MTHFS: variants seen among roughly 807,000 people sequenced by gnomAD.
The protein encoded by MTHFS is 5-formyltetrahydrofolate cyclo-ligase.
MTHFS carries 7 observed loss-of-function variants against 12.7 expected under a neutral mutation model. That is an observed-to-expected ratio of 0.55 (90% confidence interval 0.31 to 1.03). MTHFS has a LOEUF of 1.03. Ranked by LOEUF, MTHFS falls within the 50% of genes least tolerant of loss-of-function variation. The pLI is 0.05. For synonymous variants in MTHFS, 100 were observed against 97.1 expected, an observed-to-expected ratio of 1.03 and a Z score of -0.18; for missense variants, 252 against 258.1, an observed-to-expected ratio of 0.98 and a Z score of 0.16.
intron 2 of MTHFS, among the ~76,000 whole-genome samples, chr15:79,863,547 T>A (rs1434374330): frequency 3.3e-5 from 5 of 152,162 alleles, no homozygotes; most frequent in Non-Finnish European, 7.4e-5. Context: ...TCTCTCTTTC[T>A]CCTTAGTAGC....
At chr15:79,891,498 A>G (rs1038576912) in intron 1 of MTHFS, among the ~76,000 whole-genome samples, 2 of 152,238 alleles carry the variant, frequency 1.3e-5, no homozygotes, top group Non-Finnish European at 2.9e-5. Context: ...GAATTATGAA[A>G]TAATCAATGG....
intron 1 of MTHFS, among the ~76,000 whole-genome samples, chr15:79,894,634 C>T (rs1284820552): frequency 3.9e-5 from 6 of 152,144 alleles, no homozygotes; most frequent in Admixed American, 6.5e-5. Flanking sequence ...AGAAAGACAA[C>T]GTAGAAGATT....
Position 79,896,752 on chromosome 15 carries a change from G to C in MTHFS, c.117+120C>G. ...CCGGGAGGGGAAACGTGCGCGCGCC[G>C]GGGGGTGGGGGGGCGCCTAGCCCAG... On this transcript the variant is annotated intron_variant, in intron 1 of 2. Coordinates refer to ENST00000258874, the MANE Select transcript of MTHFS (RefSeq NM_006441.4). The C allele has an allele frequency of 2.3e-6, 3 of 1,279,592 alleles. No individual in the cohort carries two copies. The South Asian group carries it at 4.4e-5, about 19-fold the overall frequency. The allele number at this position is 1,279,592 out of a possible 1,614,324, so 79.3% of individuals were successfully genotyped here. A position where few individuals can be genotyped will look rare whatever the true frequency, so the allele number is the denominator to read the frequency against.
chr15:79,858,990 G>A (rs184116429), intron 2 of MTHFS, among the ~76,000 whole-genome samples: 21 of 152,204 alleles, frequency 1.4e-4, no homozygotes, highest in Admixed American at 1.0e-3. Context: ...AAACTGATCC[G>A]GAATACACTT....
intron 2 of MTHFS, among the ~76,000 whole-genome samples, chr15:79,886,929 T>C (rs1380416158): frequency 1.3e-5 from 2 of 152,202 alleles, no homozygotes; most frequent in African/African-American, 4.8e-5. Flanking sequence ...AGCTCCTATG[T>C]GACAAATGAC....
In MTHFS at chr15:79,844,901, G is replaced by A. The variant is rs2033581812; in HGVS notation, c.*309C>T. ...TTTACCTTCCTCTCGCACTCAGTCG[G>A]AGCACAGTTCCTCATAAATATTTAA... is the stretch of plus-strand genomic sequence containing the variant. On this transcript the variant is annotated 3_prime_UTR_variant, in exon 3 of 3. Transcript: ENST00000258874. The A allele has an allele frequency of 8.3e-6, 3 of 363,054 alleles. No homozygotes were observed. The highest frequency in any genetic ancestry group is 9.0e-5 in the Admixed American group (2 of 22,132). The allele number at this position is 363,054 out of a possible 1,614,324, so 22.5% of individuals were successfully genotyped here.
intron 2 of MTHFS, among the ~76,000 whole-genome samples, chr15:79,865,833 G>A (rs1023308193): frequency 6.6e-6 from 1 of 152,114 alleles, no homozygotes; most frequent in Non-Finnish European, 1.5e-5. Context: ...TACAATAATC[G>A]CTTATTCCCT....
chr15:79,883,999 A>C (rs1685822490), intron 2 of MTHFS, among the ~76,000 whole-genome samples: 1 of 152,212 alleles, frequency 6.6e-6, no homozygotes, highest in South Asian at 2.1e-4. Flanking sequence ...CAAAAACAAC[A>C]GCAGCCACAG....
intron 2 of MTHFS, chr15:79,876,728 A>C (rs1316313925): frequency 6.6e-6 from 1 of 152,074 alleles, no homozygotes; most frequent in Non-Finnish European, 1.5e-5. Context: ...ACTTTCAATA[A>C]GTATCAAACT....
Position 79,844,740 on chromosome 15 carries a change from A to C in MTHFS, c.*470T>G, listed in dbSNP as rs1034358138. On this transcript the variant is annotated 3_prime_UTR_variant, in exon 3 of 3. Transcript: ENST00000258874. ...GGGTAAAGGAAGTCATGATGAAGTGAGATAATATTCTTAGGGAATTCTGTA... is the reference window on the plus strand; with the variant it reads ...GGGTAAAGGAAGTCATGATGAAGTGCGATAATATTCTTAGGGAATTCTGTA... 6.6e-6 allele frequency among the ~76,000 whole-genome samples: 1 copy of C among 152,204 alleles called. No homozygotes were observed. Among genetic ancestry groups the C allele is most frequent in the East Asian group, 1.9e-4 (1 of 5,190 alleles).
At chr15:79,888,279 G>T (rs1354073588) in intron 2 of MTHFS, among the ~76,000 whole-genome samples, 1 of 152,092 alleles carries the variant, frequency 6.6e-6, no homozygotes, top group East Asian at 1.9e-4. Context: ...TATGAAGTGG[G>T]GAGTAGAAAG....
intron 2 of MTHFS, among the ~76,000 whole-genome samples, chr15:79,857,217 C>T (rs750157049): frequency 3.3e-5 from 5 of 152,006 alleles, no homozygotes; most frequent in Admixed American, 2.6e-4. Context: ...AGGCTGGTCT[C>T]GAACTCCTGA....
intron 1 of MTHFS, among the ~76,000 whole-genome samples, chr15:79,893,763 T>C (rs912771840): frequency 3.5e-5 from 5 of 142,206 alleles, no homozygotes; most frequent in Admixed American, 6.9e-5. Flanking sequence ...AATATAACAA[T>C]ATAAATGTCA....
At chr15:79,866,518 G>C (rs2034013528) in intron 2 of MTHFS, among the ~76,000 whole-genome samples, 1 of 152,156 alleles carries the variant, frequency 6.6e-6, no homozygotes, top group East Asian at 1.9e-4. Flanking sequence ...AATACAGTAG[G>C]ATGACAGCCA....
chr15:79,889,514 T>C (rs768592773), intron 1 of MTHFS, among the ~76,000 whole-genome samples, 160 bp from the exon 2 acceptor site: 1 of 152,102 alleles, frequency 6.6e-6, no homozygotes, highest in African/African-American at 2.4e-5. Context: ...CAGACAGTGT[T>C]GCATCATGAA....
chr15:79,881,461 G>C (rs1477451433), intron 2 of MTHFS, among the ~76,000 whole-genome samples: 4 of 152,104 alleles, frequency 2.6e-5, no homozygotes, highest in Non-Finnish European at 1.5e-5. Context: ...AGACAATTCT[G>C]GAACAGGTCC....
At chr15:79,878,518 C>T (rs1205362444) in intron 2 of MTHFS, among the ~76,000 whole-genome samples, 2 of 148,006 alleles carry the variant, frequency 1.4e-5, no homozygotes, top group African/African-American at 2.5e-5. Flanking sequence ...TCTAGTTTGC[C>T]GTAGTGCCTA....
chr15:79,885,040 A>C (rs949585466), intron 2 of MTHFS, among the ~76,000 whole-genome samples: 1 of 152,244 alleles, frequency 6.6e-6, no homozygotes, highest in Non-Finnish European at 1.5e-5. Flanking sequence ...ACTCCATCAA[A>C]TATGCCTTGA....
chr15:79,869,341 T>A (rs1485508817), intron 2 of MTHFS, among the ~76,000 whole-genome samples: 2 of 152,208 alleles, frequency 1.3e-5, no homozygotes, highest in African/African-American at 4.8e-5. Context: ...AGGACAAAGC[T>A]TTTAACAATG....
Sources: gnomAD v4.1 joint callset for allele counts (sites outside exome capture counted in the v4.1 genomes callset) on GRCh38, gnomAD v4.1.1 for gene constraint, MANE v1.5 for transcripts, NCBI Gene and HGNC (gene_info 2026-07-23, HGNC 2026-07-21) for gene names.